The following SLC6A2 variants were observed in gnomAD, a reference collection of about 807,000 sequenced individuals.
SLC6A2 encodes the protein solute carrier family 6 member 2, also known as sodium-dependent noradrenaline transporter.
Under a neutral mutation model 71.7 loss-of-function variants are expected in SLC6A2, and 26 were observed. The observed-to-expected ratio is 0.36, with a 90% CI of 0.27 to 0.50. The LOEUF is 0.50. Ranked by LOEUF, SLC6A2 falls within the 20% of genes least tolerant of loss-of-function variation. The probability of loss-of-function intolerance (pLI) is 0.96; values close to 1 mark genes in which losing one functional copy is unlikely to be tolerated. For missense variants in SLC6A2, 581 were observed against 803.9 expected, an observed-to-expected ratio of 0.72 and a Z score of 3.35; for synonymous variants, 363 against 337.9, an observed-to-expected ratio of 1.07 and a Z score of -0.82.
intron 2 of SLC6A2, among the ~76,000 whole-genome samples, chr16:55,666,801 T>C (rs1964762325): frequency 6.6e-6 from 1 of 152,166 alleles, no homozygotes; most frequent in African/African-American, 2.4e-5. Context: ...GATGCCTGGT[T>C]AACTGGCTGA....
chr16:55,656,608 G>A lies in SLC6A2; in HGVS notation c.-51-36G>A. 6.4e-7 allele frequency: 1 copy of A among 1,564,448 alleles called. No homozygotes were observed. The highest frequency in any genetic ancestry group is 8.8e-7 in the Non-Finnish European group (1 of 1,142,068). On this transcript the variant is annotated intron_variant, in intron 1 of 14. Coordinates refer to ENST00000568943, the MANE Select transcript of SLC6A2 (RefSeq NM_001172501.3). The surrounding 1 kb of genome is among the most constrained non-coding windows in gnomAD (Gnocchi z 4.5). ...TGGGAGTTGCAAGTAGGGAGGAACG[G>A]CCGGGTAACCACCTCTTTTCCCTTT...
At chr16:55,686,761 C>CAACATGCACTCAAGAAAGCA (rs1369975532) in intron 5 of SLC6A2, among the ~76,000 whole-genome samples, 1 of 152,114 alleles carries the variant, frequency 6.6e-6, no homozygotes, top group Non-Finnish European at 1.5e-5. Flanking sequence ...CAGTGTCTAC[C>CAACATGCACTCAAGAAAGCA]CTAAGAAAGC....
At chr16:55,698,090 C>T (rs576520480) in intron 10 of SLC6A2, 65 bp downstream of exon 10, 2 of 1,543,654 alleles carry the variant, frequency 1.3e-6, no homozygotes, top group East Asian at 2.2e-5. Context: ...TAAAGTCAAA[C>T]ATTCCTAGCC....
intron 2 of SLC6A2, among the ~76,000 whole-genome samples, chr16:55,661,962 T>A (rs1473818742): frequency 6.6e-6 from 1 of 152,202 alleles, no homozygotes; most frequent in Non-Finnish European, 1.5e-5. Context: ...TGCTCTTATA[T>A]CTGGCCTGGC....
chr16:55,685,295 G>A lies in SLC6A2; in HGVS notation c.783+14G>A, dbSNP rs1393070767. On this transcript the variant is annotated intron_variant, in intron 5 of 14. Coordinates refer to ENST00000568943, the MANE Select transcript of SLC6A2 (RefSeq NM_001172501.3). Reference sequence around the variant, plus strand: ...ACATCAGGAAAGGTAATATCTCTGTGTTTCTCTTTCACTTACTTGGGTGAT... The same window carrying A: ...ACATCAGGAAAGGTAATATCTCTGTATTTCTCTTTCACTTACTTGGGTGAT... The A allele has an allele frequency of 5.0e-6, 8 of 1,613,278 alleles. No homozygotes were observed. Among genetic ancestry groups the A allele is most frequent in the Non-Finnish European group, 6.8e-6 (8 of 1,179,352 alleles).
rs560248055 is a variant in SLC6A2, at chr16:55,705,015, T to G, written c.*2669T>G. On this transcript the variant is annotated 3_prime_UTR_variant, in exon 15 of 15. Coordinates refer to ENST00000568943, the MANE Select transcript of SLC6A2 (RefSeq NM_001172501.3). ...GTTAAGTCATCTTTGACTTCCTTTT[T>G]GTAGCTTGTTTTTAATAGCAGAGGT... 5.5e-5 allele frequency: 27 copies of G among 490,250 alleles called. No homozygotes were observed. Among genetic ancestry groups the G allele is most frequent in the Non-Finnish European group, 9.7e-5 (27 of 278,020 alleles). 30.4% of individuals were successfully genotyped at this position (490,250 alleles called of 1,614,324 possible). A position where few individuals can be genotyped will look rare whatever the true frequency, so the allele number is the denominator to read the frequency against.
intron 5 of SLC6A2, 40 bp from the exon 6 acceptor site, chr16:55,691,878 G>A: frequency 3.7e-6 from 6 of 1,612,704 alleles, no homozygotes; most frequent in Non-Finnish European, 4.2e-6. Context: ...CGGGATTGGG[G>A]CCAGAGCGAG....
At chr16:55,692,558 G>A (rs1377868318) in intron 6 of SLC6A2, among the ~76,000 whole-genome samples, 1 of 152,166 alleles carries the variant, frequency 6.6e-6, no homozygotes, top group Non-Finnish European at 1.5e-5. Context: ...CCCAACTATG[G>A]TGAAAGTGGG....
At position 55,664,463 on chromosome 16, in the gene SLC6A2, T is replaced by C. The variant is rs189883258; in HGVS notation, c.275-5102T>C. ...GAGCACTGCCGCAGAGTCCTGTGTGTGGCCTCCAGCTGGCGTTCATGCTGT... is the reference window on the plus strand; with the variant it reads ...GAGCACTGCCGCAGAGTCCTGTGTGCGGCCTCCAGCTGGCGTTCATGCTGT... On this transcript the variant is annotated intron_variant, in intron 2 of 14. Coordinates refer to ENST00000568943, the MANE Select transcript of SLC6A2 (RefSeq NM_001172501.3). Among the ~76,000 whole-genome samples the C allele has an allele frequency of 6.8e-3, 1,038 of 152,338 alleles. 14 individuals are homozygous for C. Among genetic ancestry groups the C allele is most frequent in the African/African-American group, 0.024 (984 of 41,586 alleles).
Position 55,698,457 on chromosome 16 carries a change from TC to T in SLC6A2, c.1390-9del. The T allele has an allele frequency of 1.2e-6, 2 of 1,603,260 alleles. No individual in the cohort carries two copies. The highest frequency in any genetic ancestry group is 8.5e-7 in the Non-Finnish European group (1 of 1,170,076). On this transcript the variant is annotated splice_polypyrimidine_tract_variant and intron_variant, in intron 10 of 14. Transcript: ENST00000568943. ...AAAGAGGGCCTCTTGGCTTCTTCTCTCCCTGTGCCAGGGTGGAATTTACGTC... is the reference window on the plus strand; with the variant it reads ...AAAGAGGGCCTCTTGGCTTCTTCTCTCCTGTGCCAGGGTGGAATTTACGTC...
chr16:55,698,138 A>G lies in SLC6A2; in HGVS notation c.1389+113A>G, dbSNP rs1965857831. On this transcript the variant is annotated intron_variant, in intron 10 of 14. Transcript: ENST00000568943. ...CTGAGCTCAGGGAGAACAATGCAGG[A>G]TCCAGCATCCTCAATTCAGCGGCCT... 1.4e-5 allele frequency: 16 copies of G among 1,177,790 alleles called. No individual in the cohort carries two copies. The South Asian group carries it at 1.8e-4, about 13-fold the overall frequency. 73.0% of individuals were successfully genotyped at this position (1,177,790 alleles called of 1,614,324 possible).
At chr16:55,675,806 A>G (rs1435322194) in intron 4 of SLC6A2, among the ~76,000 whole-genome samples, 1 of 152,184 alleles carries the variant, frequency 6.6e-6, no homozygotes, top group Non-Finnish European at 1.5e-5. Context: ...CACAAACAAC[A>G]AAACTTTAGG....
At chr16:55,675,772 A>C (rs573921707) in intron 4 of SLC6A2, among the ~76,000 whole-genome samples, 114 of 138,448 alleles carry the variant, frequency 8.2e-4, no homozygotes, top group African/African-American at 2.9e-3. Context: ...CAGTGCAAAA[A>C]AGTGTGGAAA....
Position 55,703,248 on chromosome 16 carries a change from G to C in SLC6A2, c.*902G>C, listed in dbSNP as rs916481306. Reference sequence around the variant, plus strand: ...GAAACGGGGGCAGGGACCAAGTGAGGCCTCATGTGTGTCTTCACCGTGCTG... The same window carrying C: ...GAAACGGGGGCAGGGACCAAGTGAGCCCTCATGTGTGTCTTCACCGTGCTG... On this transcript the variant is annotated 3_prime_UTR_variant, in exon 15 of 15. Transcript: ENST00000568943. 2.0e-6 allele frequency: 2 copies of C among 985,566 alleles called. No homozygotes were observed. The highest frequency in any genetic ancestry group is 1.0e-3 in the Middle Eastern group (2 of 1,914). The allele number at this position is 985,566 out of a possible 1,614,324, so 61.1% of individuals were successfully genotyped here.
At chr16:55,675,203 T>C (rs1965046894) in intron 4 of SLC6A2, among the ~76,000 whole-genome samples, 1 of 152,180 alleles carries the variant, frequency 6.6e-6, no homozygotes, top group African/African-American at 2.4e-5. Context: ...CTGTTCACAA[T>C]GTAGCATCCA....
In SLC6A2 at chr16:55,702,760, A is replaced by AT; in HGVS notation, c.*414_*415insT. Reference sequence around the variant, plus strand: ...AGATACCCCTCCCAAAAAAAAAAAAAACTAAAACTAAAGCAAAAATCAAAC... The same window carrying AT: ...AGATACCCCTCCCAAAAAAAAAAAAATACTAAAACTAAAGCAAAAATCAAAC... On this transcript the variant is annotated 3_prime_UTR_variant, in exon 15 of 15. Transcript: ENST00000568943. The AT allele has an allele frequency of 9.6e-7, 1 of 1,041,556 alleles. No homozygotes were observed. Among genetic ancestry groups the AT allele is most frequent in the East Asian group, 8.0e-5 (1 of 12,448 alleles). The allele number at this position is 1,041,556 out of a possible 1,614,324, so 64.5% of individuals were successfully genotyped here. A position where few individuals can be genotyped will look rare whatever the true frequency, so the allele number is the denominator to read the frequency against.
chr16:55,702,081 G>A (rs1965988348), intron 14 of SLC6A2, 147 bp downstream of exon 14: 1 of 788,182 alleles, frequency 1.3e-6, no homozygotes, highest in South Asian at 1.5e-5. Flanking sequence ...ACATCGGGAT[G>A]GGGGACAGGG....
intron 7 of SLC6A2, among the ~76,000 whole-genome samples, chr16:55,694,508 T>C (rs1470210574): frequency 6.6e-6 from 1 of 152,092 alleles, no homozygotes; most frequent in African/African-American, 2.4e-5. Context: ...AGACTGAGAC[T>C]CAGAAGACCA....
chr16:55,685,006 A>G, intron 4 of SLC6A2, 137 bp from the exon 5 acceptor site: 1 of 814,158 alleles, frequency 1.2e-6, no homozygotes, highest in Non-Finnish European at 2.0e-6. Context: ...GGCAGTGGCT[A>G]GGGTCCCTGA....
Sources: gnomAD v4.1 joint callset for allele counts (sites outside exome capture counted in the v4.1 genomes callset) on GRCh38, gnomAD v4.1.1 for gene constraint, Gnocchi (gnomAD v3.1) non-coding constraint, MANE v1.5 for transcripts, NCBI Gene and HGNC (gene_info 2026-07-23, HGNC 2026-07-21) for gene names.